Variants in KLHL3 observed in about 807,000 individuals in gnomAD.
KLHL3 encodes the protein kelch-like protein 3.
Under a neutral mutation model 70.5 loss-of-function variants are expected in KLHL3, and 19 were observed. That is an observed-to-expected ratio of 0.27 (90% confidence interval 0.19 to 0.40). The LOEUF (loss-of-function observed/expected upper bound fraction) is 0.40. Among genes scored for constraint, KLHL3 ranks in the 10% least tolerant of loss-of-function variants. KLHL3 has a pLI of 1.00. For missense variants in KLHL3, 512 were observed against 771.1 expected (o/e 0.66, Z 3.98); for synonymous variants, 258 against 290.3 (o/e 0.89, Z 1.13).
At chr5:137,663,058 T>A (rs1253914692) in intron 6 of KLHL3, among the ~76,000 whole-genome samples, 16 of 71,466 alleles carry the variant, frequency 2.2e-4, no homozygotes, top group African/African-American at 1.6e-3. Flanking sequence ...CACTCGTTCT[T>A]TTTTTTTTTT....
At chr5:137,732,585 A>G (rs1013974316) in intron 1 of KLHL3, among the ~76,000 whole-genome samples, 2 of 152,092 alleles carry the variant, frequency 1.3e-5, no homozygotes, top group African/African-American at 4.8e-5. Context: ...TGACGGCCTG[A>G]TAAGCTCCCT....
At chr5:137,685,020 A>G (rs577170325) in intron 5 of KLHL3, among the ~76,000 whole-genome samples, 4 of 152,368 alleles carry the variant, frequency 2.6e-5, no homozygotes, top group East Asian at 3.9e-4. Context: ...AGCTGGACAT[A>G]GAGATGATGC....
chr5:137,662,990 G>T (rs1751519143), intron 6 of KLHL3, among the ~76,000 whole-genome samples: 1 of 146,188 alleles, frequency 6.8e-6, no homozygotes, highest in South Asian at 2.2e-4. Context: ...CACTAATAGA[G>T]AAATTATTAA....
chr5:137,702,067 G>A (rs971939779), intron 3 of KLHL3, among the ~76,000 whole-genome samples: 1 of 152,178 alleles, frequency 6.6e-6, no homozygotes, highest in African/African-American at 2.4e-5. Flanking sequence ...ACTGTGCTAG[G>A]CCCAGAGAAT....
At chr5:137,675,324 A>G (rs977254558) in intron 6 of KLHL3, among the ~76,000 whole-genome samples, 16 of 152,190 alleles carry the variant, frequency 1.1e-4, no homozygotes, top group African/African-American at 3.6e-4. Context: ...TGTTTCTGGA[A>G]AGATATAATT....
At position 137,735,748 on chromosome 5, in the gene KLHL3, C is replaced by G. The variant is rs1753251285; in HGVS notation, c.-102G>C. On this transcript the variant is annotated 5_prime_UTR_variant, in exon 1 of 15. An upstream open reading frame in the 5' UTR loses its in-frame stop. Transcript: ENST00000309755. ...CCAGCAGACCAGTGGGAAATCTGAT[C>G]AGCAACAGTGATTCAGCATGGCTGC... 4.0e-6 allele frequency: 6 copies of G among 1,505,460 alleles called. No individual in the cohort carries two copies. The South Asian group carries it at 4.5e-5, about 11-fold the overall frequency. 93.3% of individuals were successfully genotyped at this position (1,505,460 alleles called of 1,614,324 possible).
intron 8 of KLHL3, among the ~76,000 whole-genome samples, chr5:137,643,016 A>C (rs6894183): frequency 6.6e-6 from 1 of 151,984 alleles, no homozygotes; most frequent in Non-Finnish European, 1.5e-5. Flanking sequence ...AGAAATGCAA[A>C]TTTTTTAATG....
At chr5:137,693,810 T>C (rs921539758) in intron 4 of KLHL3, among the ~76,000 whole-genome samples, 2 of 152,004 alleles carry the variant, frequency 1.3e-5, no homozygotes, top group Non-Finnish European at 2.9e-5. Context: ...CAGGAAGATA[T>C]GGGCTGCAGA....
At position 137,709,193 on chromosome 5, in the gene KLHL3, C is replaced by T. The variant is rs920649590; in HGVS notation, c.241+557G>A. Among the ~76,000 whole-genome samples, 7 of 152,354 alleles carry T rather than the reference C, an allele frequency of 4.6e-5. No homozygotes were observed. The South Asian group carries it at 1.2e-3, about 27-fold the overall frequency. On this transcript the variant is annotated intron_variant, in intron 3 of 14. Coordinates refer to ENST00000309755, the MANE Select transcript of KLHL3 (RefSeq NM_017415.3). ...GATATTGATTATACCTATTTCTCAT[C>T]CCCCTCAAAACCCACCATCATTTTT...
chr5:137,718,630 T>C (rs1270318699), intron 2 of KLHL3, among the ~76,000 whole-genome samples: 1 of 152,124 alleles, frequency 6.6e-6, no homozygotes. Context: ...CCAGGCAAAA[T>C]AAGGCCTGGT....
chr5:137,680,421 A>C (rs1169750526), intron 5 of KLHL3, among the ~76,000 whole-genome samples: 1 of 152,238 alleles, frequency 6.6e-6, no homozygotes, highest in Non-Finnish European at 1.5e-5. Flanking sequence ...TTTGCAGCCC[A>C]AAGATAATAA....
intron 8 of KLHL3, 105 bp from the exon 9 acceptor site, chr5:137,640,082 G>T: frequency 1.1e-6 from 1 of 912,006 alleles, no homozygotes; most frequent in Non-Finnish European, 1.8e-6. Flanking sequence ...TGGATGATCT[G>T]AGATGCCAGT....
chr5:137,665,437 G>A (rs1337387872), intron 6 of KLHL3, among the ~76,000 whole-genome samples: 2 of 152,184 alleles, frequency 1.3e-5, no homozygotes, highest in Non-Finnish European at 2.9e-5. Context: ...ATATTTAGGG[G>A]TGAAGTGTCA....
chr5:137,678,410 T>C (rs1390290517), intron 5 of KLHL3, among the ~76,000 whole-genome samples: 4 of 152,246 alleles, frequency 2.6e-5, no homozygotes, highest in African/African-American at 9.6e-5. Flanking sequence ...CATCCTGCTA[T>C]TAGAGAATTA....
chr5:137,663,177 C>T (rs1751528777), intron 6 of KLHL3, among the ~76,000 whole-genome samples: 1 of 151,294 alleles, frequency 6.6e-6, no homozygotes, highest in African/African-American at 2.4e-5. Flanking sequence ...CCGTCTCAGC[C>T]TCCCTAGTAG....
rs529462576 is a variant in KLHL3 at position 137,618,185 on chromosome 5, T to A, written c.*3913A>T. 6.6e-6 allele frequency: 1 copy of A among 152,546 alleles called. No individual in the cohort carries two copies. The highest frequency in any genetic ancestry group is 6.5e-5 in the Admixed American group (1 of 15,278). 9.4% of individuals were successfully genotyped at this position (152,546 alleles called of 1,614,324 possible). A position where few individuals can be genotyped will look rare whatever the true frequency, so the allele number is the denominator to read the frequency against. On this transcript the variant is annotated 3_prime_UTR_variant, in exon 15 of 15. Coordinates refer to ENST00000309755, the MANE Select transcript of KLHL3 (RefSeq NM_017415.3). ...AAATAGTGCAAACGCTTAAAAAAAT[T>A]ACATTCTAACCTCCTTGCTTCTCCA...
rs1183074321 is a variant in KLHL3, at chr5:137,637,240, G to C, written c.1321+54C>G. ...GCACCAAGCATGATGCTGGACCCAG[G>C]ACAAGGCCCGTGGGCCAGGTAGGCC... On this transcript the variant is annotated intron_variant, in intron 11 of 14. Transcript: ENST00000309755. The C allele has an allele frequency of 2.1e-6, 3 of 1,452,676 alleles. No homozygotes were observed. In the South Asian group the frequency reaches 3.4e-5, roughly 17 times the overall value. 90.0% of individuals were successfully genotyped at this position (1,452,676 alleles called of 1,614,324 possible).
At chr5:137,678,447 G>A (rs1737006597) in intron 5 of KLHL3, among the ~76,000 whole-genome samples, 1 of 152,174 alleles carries the variant, frequency 6.6e-6, no homozygotes. Context: ...ATCTACTTCA[G>A]AAAGAAGGAG....
chr5:137,643,301 G>A (rs1750963512), intron 8 of KLHL3, among the ~76,000 whole-genome samples: 1 of 150,770 alleles, frequency 6.6e-6, no homozygotes, highest in Non-Finnish European at 1.5e-5. Flanking sequence ...GCAGTGAGTT[G>A]TGATTGCAGC....
Sources: gnomAD v4.1 joint callset for allele counts (sites outside exome capture counted in the v4.1 genomes callset) on GRCh38, gnomAD v4.1.1 for gene constraint, MANE v1.5 for transcripts, NCBI Gene and HGNC (gene_info 2026-07-23, HGNC 2026-07-21) for gene names.